PARP8: variants seen among roughly 807,000 people sequenced by gnomAD.
The protein encoded by PARP8 is protein mono-ADP-ribosyltransferase PARP8.
PARP8 carries 51 observed loss-of-function variants against 124.1 expected under a neutral mutation model. That is an observed-to-expected ratio of 0.41 (90% CI 0.33 to 0.52). PARP8 has a LOEUF of 0.52. Ranked by LOEUF, PARP8 falls within the 20% of genes least tolerant of loss-of-function variation. The probability of loss-of-function intolerance (pLI) is 0.21; values close to 1 mark genes in which losing one functional copy is unlikely to be tolerated. For missense variants in PARP8, 860 were observed against 1,018.9 expected, an observed-to-expected ratio of 0.84 and a Z score of 2.12; for synonymous variants, 391 against 361.5, an observed-to-expected ratio of 1.08 and a Z score of -0.93.
At chr5:50,687,217 C>G (rs1243985189) in intron 2 of PARP8, among the ~76,000 whole-genome samples, 3 of 152,276 alleles carry the variant, frequency 2.0e-5, no homozygotes, top group South Asian at 2.1e-4. Flanking sequence ...TCATCTCTCT[C>G]AAGTTTAAAG....
chr5:50,714,793 G>A (rs932001712), intron 2 of PARP8, among the ~76,000 whole-genome samples: 3 of 152,080 alleles, frequency 2.0e-5, no homozygotes, highest in African/African-American at 7.2e-5. Context: ...CCCTCCTGCA[G>A]CTGACTGTGT....
chr5:50,666,746 C>T lies in PARP8; in HGVS notation c.-350C>T, dbSNP rs1244663484. The T allele has an allele frequency of 5.3e-6, 3 of 561,906 alleles. No homozygotes were observed. The highest frequency in any genetic ancestry group is 7.3e-6 in the Non-Finnish European group (3 of 413,678). The allele number at this position is 561,906 out of a possible 1,614,324, so 34.8% of individuals were successfully genotyped here. On this transcript the variant is annotated 5_prime_UTR_variant, in exon 1 of 26. Coordinates refer to ENST00000281631, the MANE Select transcript of PARP8 (RefSeq NM_024615.4). ...CCGGTGATTGCTCTCTGGCTGTCCCCGGCACCTCGGCCCCCACGGCCGTTG... is the reference window on the plus strand; with the variant it reads ...CCGGTGATTGCTCTCTGGCTGTCCCTGGCACCTCGGCCCCCACGGCCGTTG...
At chr5:50,830,705 A>C (rs1316663741) in intron 22 of PARP8, among the ~76,000 whole-genome samples, 1 of 152,204 alleles carries the variant, frequency 6.6e-6, no homozygotes, top group East Asian at 1.9e-4. Context: ...TAGCAGATGA[A>C]AATTTTCTCT....
intron 10 of PARP8, among the ~76,000 whole-genome samples, chr5:50,793,059 C>G (rs1447062400): frequency 6.6e-6 from 1 of 152,094 alleles, no homozygotes; most frequent in Non-Finnish European, 1.5e-5. Flanking sequence ...TCTATGCTAA[C>G]TTGGGCAGAT....
intron 2 of PARP8, among the ~76,000 whole-genome samples, chr5:50,707,897 A>G (rs988000460): frequency 1.2e-4 from 18 of 152,058 alleles, no homozygotes; most frequent in African/African-American, 4.3e-4. Context: ...AATGCCTGTT[A>G]TATTATTGAG....
intron 2 of PARP8, among the ~76,000 whole-genome samples, chr5:50,702,695 A>G (rs1157800366): frequency 6.6e-6 from 1 of 152,198 alleles, no homozygotes; most frequent in Non-Finnish European, 1.5e-5. Context: ...TAACAAATAT[A>G]TTAGAAATTG....
Position 50,792,245 on chromosome 5 carries a change from G to A in PARP8, c.738-1962G>A, listed in dbSNP as rs536815281. ...ATGTAAATACTGAAGTCCCTTCATG[G>A]TTCTCTATTATAAGGAGGTGGTTGT... On this transcript the variant is annotated intron_variant, in intron 10 of 25. Coordinates refer to ENST00000281631, the MANE Select transcript of PARP8 (RefSeq NM_024615.4). 7.9e-5 allele frequency among the ~76,000 whole-genome samples: 12 copies of A among 152,196 alleles called. No homozygotes were observed. The South Asian group carries it at 2.5e-3, about 32-fold the overall frequency.
intron 2 of PARP8, among the ~76,000 whole-genome samples, chr5:50,699,019 T>A (rs1753315677): frequency 1.3e-5 from 2 of 152,208 alleles, no homozygotes; most frequent in Non-Finnish European, 2.9e-5. Flanking sequence ...AAGATAATTT[T>A]CCACATCCCT....
intron 2 of PARP8, among the ~76,000 whole-genome samples, chr5:50,715,647 C>G (rs1388421408): frequency 1.3e-5 from 2 of 151,854 alleles, no homozygotes; most frequent in African/African-American, 4.8e-5. Context: ...ACACCACAGA[C>G]AGTAGTAACA....
chr5:50,838,013 T>C (rs530596938), intron 25 of PARP8, among the ~76,000 whole-genome samples: 1 of 152,082 alleles, frequency 6.6e-6, no homozygotes, highest in Non-Finnish European at 1.5e-5. Context: ...GACCCATATG[T>C]AGAAATTAGG....
Position 50,772,905 on chromosome 5 carries a change from G to T in PARP8, c.519-5164G>T, listed in dbSNP as rs141245854. ...TTAGAGACAGGGTTTCGCCATGTTG[G>T]CTGGGCTGGTCTCGAACTCCTGACC... On this transcript the variant is annotated intron_variant, in intron 7 of 25. Transcript: ENST00000281631. Among the ~76,000 whole-genome samples, 932 of 151,962 alleles carry T rather than the reference G, an allele frequency of 6.1e-3. 6 individuals carry two copies. Among genetic ancestry groups the T allele is most frequent in the South Asian group, 0.012 (57 of 4,812 alleles).
intron 3 of PARP8, among the ~76,000 whole-genome samples, chr5:50,754,137 A>G (rs1392953480): frequency 6.5e-5 from 1 of 15,374 alleles, no homozygotes; most frequent in Non-Finnish European, 1.3e-4. Flanking sequence ...ATATATATAT[A>G]TATATATATA....
intron 2 of PARP8, among the ~76,000 whole-genome samples, chr5:50,727,882 A>C (rs769106583): frequency 1.3e-5 from 2 of 152,168 alleles, no homozygotes; most frequent in Admixed American, 6.6e-5. Context: ...AATTACAACT[A>C]TAATTTTCAT....
chr5:50,812,675 A>G (rs1744595737), intron 14 of PARP8, among the ~76,000 whole-genome samples: 1 of 152,100 alleles, frequency 6.6e-6, no homozygotes, highest in East Asian at 1.9e-4. Context: ...GCCCATGCCT[A>G]TGTCCTGAAT....
At chr5:50,833,321 G>A in intron 23 of PARP8, 1 of 384,694 alleles carries the variant, frequency 2.6e-6, no homozygotes. Context: ...TTTGAGTCAA[G>A]ACCTACAGAT....
chr5:50,834,903 T>C (rs1348769252), intron 24 of PARP8, 28 bp from the exon 25 acceptor site: 2 of 1,575,032 alleles, frequency 1.3e-6, no homozygotes, highest in Non-Finnish European at 1.7e-6. Flanking sequence ...AATAAAGTGG[T>C]TCTTTAATTT....
chr5:50,812,016 C>CT (rs1273414919), intron 14 of PARP8, among the ~76,000 whole-genome samples: 2 of 152,154 alleles, frequency 1.3e-5, no homozygotes, highest in Non-Finnish European at 1.5e-5. Flanking sequence ...GGTTCCAAGT[C>CT]TTTGCTATTG....
chr5:50,693,548 C>T (rs1752709238), intron 2 of PARP8, among the ~76,000 whole-genome samples: 1 of 151,900 alleles, frequency 6.6e-6, no homozygotes, highest in Non-Finnish European at 1.5e-5. Flanking sequence ...GTTATGCATA[C>T]TTGTTATGAC....
chr5:50,725,923 C>T (rs1273144422), intron 2 of PARP8, among the ~76,000 whole-genome samples: 2 of 152,092 alleles, frequency 1.3e-5, no homozygotes, highest in Admixed American at 6.6e-5. Context: ...TGATTTTGTG[C>T]ATATACACAA....
Sources: allele counts gnomAD v4.1 joint callset (sites outside exome capture counted in the v4.1 genomes callset), GRCh38; gene constraint gnomAD v4.1.1; transcripts MANE v1.5; gene names NCBI Gene and HGNC (gene_info 2026-07-23, HGNC 2026-07-21).